NCKAP5: variants seen among roughly 807,000 people sequenced by gnomAD.
NCKAP5 encodes the protein nck-associated protein 5.
NCKAP5 carries 92 observed loss-of-function variants against 167.0 expected under a neutral mutation model. The ratio of observed to expected loss-of-function variants is 0.55; its 90% CI spans 0.47 to 0.66. The LOEUF (loss-of-function observed/expected upper bound fraction) is 0.66. Ranked by LOEUF, NCKAP5 falls within the 30% of genes least tolerant of loss-of-function variation. The probability of loss-of-function intolerance (pLI) is 0.00; values close to 1 mark genes in which losing one functional copy is unlikely to be tolerated. For synonymous variants in NCKAP5, 891 were observed against 877.4 expected (o/e 1.02, Z -0.27); for missense variants, 2,378 against 2,315.0 (o/e 1.03, Z -0.56).
In NCKAP5 at chr2:132,723,215, G is replaced by A. The variant is rs1180459984; in HGVS notation, c.5713+2412C>T. Among the ~76,000 whole-genome samples the A allele has an allele frequency of 4.2e-5, 6 of 143,546 alleles. 1 individual carries two copies. Among genetic ancestry groups the A allele is most frequent in the African/African-American group, 1.1e-4 (4 of 37,872 alleles). The allele number at this position is 143,546 out of a possible 152,430, so 94.2% of individuals were successfully genotyped here. On this transcript the variant is annotated intron_variant, in intron 19 of 19. Transcript: ENST00000409261. ...GGCTGGAGTGCAGTGGCATGATCTC[G>A]GCTCACTGCAACCTCCACCTCCCAG... is the stretch of plus-strand genomic sequence containing the variant.
chr2:133,231,118 C>T (rs2087127330), intron 4 of NCKAP5, among the ~76,000 whole-genome samples: 1 of 152,128 alleles, frequency 6.6e-6, no homozygotes, highest in African/African-American at 2.4e-5. Context: ...ACAATACCCT[C>T]ATTTTAGTGA....
chr2:133,326,597 C>G (rs377668507), intron 3 of NCKAP5, among the ~76,000 whole-genome samples: 8 of 151,996 alleles, frequency 5.3e-5, no homozygotes, highest in Middle Eastern at 3.2e-3. Flanking sequence ...TTTTCCAGCT[C>G]TTTATTTGAA....
In NCKAP5 at chr2:132,917,417, G is replaced by C. The variant is rs973652039; in HGVS notation, c.580-38501C>G. 1.6e-4 allele frequency among the ~76,000 whole-genome samples: 24 copies of C among 152,240 alleles called. No homozygotes were observed. The East Asian group carries it at 4.4e-3, about 28-fold the overall frequency. Reference sequence around the variant, plus strand: ...GAGGGCATTAAAATGATAGTTCATAGCCCTTATTTAACCGCCAGGATTGGT... The same window carrying C: ...GAGGGCATTAAAATGATAGTTCATACCCCTTATTTAACCGCCAGGATTGGT... On this transcript the variant is annotated intron_variant, in intron 8 of 19. Coordinates refer to ENST00000409261, the MANE Select transcript of NCKAP5 (RefSeq NM_207363.3).
the NCKAP5 span, among the ~76,000 whole-genome samples, chr2:133,643,668 T>C: frequency 6.6e-6 from 1 of 152,166 alleles, no homozygotes; most frequent in Non-Finnish European, 1.5e-5. Context: ...AACTCCACTA[T>C]CACATTCAAA....
chr2:133,098,193 G>A (rs1235277569), intron 6 of NCKAP5, among the ~76,000 whole-genome samples: 2 of 152,164 alleles, frequency 1.3e-5, no homozygotes, highest in Admixed American at 6.5e-5. Context: ...AATTTCCAAC[G>A]TAATGTGTTT....
chr2:133,200,061 C>CTTTTTT (rs70973417), intron 5 of NCKAP5, among the ~76,000 whole-genome samples: 41,848 of 107,816 alleles, frequency 0.39, 6,969 homozygotes, highest in Non-Finnish European at 0.44. Context: ...TTTTTTCTTT[C>CTTTTTT]TTTTTTTTTT....
At chr2:133,450,573 T>C (rs1346039087) in intron 3 of NCKAP5, among the ~76,000 whole-genome samples, 1 of 152,252 alleles carries the variant, frequency 6.6e-6, no homozygotes, top group African/African-American at 2.4e-5. Context: ...AATTTACATT[T>C]ATTTCTTTTA....
intron 3 of NCKAP5, among the ~76,000 whole-genome samples, chr2:133,303,782 A>G (rs1216028748): frequency 6.6e-6 from 1 of 152,190 alleles, no homozygotes; most frequent in African/African-American, 2.4e-5. Flanking sequence ...AAAAAAAATT[A>G]AAGAATTCAC....
chr2:132,910,835 ACCAAAC>A (rs1283250676), intron 8 of NCKAP5, among the ~76,000 whole-genome samples: 2 of 152,216 alleles, frequency 1.3e-5, no homozygotes, highest in Non-Finnish European at 2.9e-5. Flanking sequence ...ATGAGACTGT[ACCAAAC>A]AATGGCCAAA....
At chr2:132,714,426 T>A (rs1041643471) in intron 19 of NCKAP5, among the ~76,000 whole-genome samples, 1 of 152,178 alleles carries the variant, frequency 6.6e-6, no homozygotes, top group Non-Finnish European at 1.5e-5. Flanking sequence ...ACATCTAATG[T>A]CATATCTGAA....
chr2:133,645,487 CA>C, the NCKAP5 span, among the ~76,000 whole-genome samples: 2 of 151,958 alleles, frequency 1.3e-5, no homozygotes. Context: ...CATATACAAA[CA>C]AAAAGGATGC....
At position 133,161,424 on chromosome 2, in the gene NCKAP5, C is replaced by T. The variant is rs146425794; in HGVS notation, c.208-31313G>A. 2.7e-3 allele frequency among the ~76,000 whole-genome samples: 406 copies of T among 152,314 alleles called. 2 individuals carry two copies. Among genetic ancestry groups the T allele is most frequent in the African/African-American group, 4.4e-3 (184 of 41,566 alleles). On this transcript the variant is annotated intron_variant, in intron 5 of 19. Coordinates refer to ENST00000409261, the MANE Select transcript of NCKAP5 (RefSeq NM_207363.3). Reference sequence around the variant, plus strand: ...TCAGATGTTACACACCTAAAAACAACGCATTCAAGGCTAAATTTAGACTTT... The same window carrying T: ...TCAGATGTTACACACCTAAAAACAATGCATTCAAGGCTAAATTTAGACTTT...
chr2:133,473,971 C>T (rs1305233326), intron 3 of NCKAP5, among the ~76,000 whole-genome samples: 2 of 152,074 alleles, frequency 1.3e-5, no homozygotes, highest in East Asian at 3.9e-4. Flanking sequence ...GGGTACATAT[C>T]CAAAGGAAAT....
At chr2:133,061,322 T>C (rs2079992867) in intron 6 of NCKAP5, among the ~76,000 whole-genome samples, 1 of 152,210 alleles carries the variant, frequency 6.6e-6, no homozygotes, top group Admixed American at 6.5e-5. Context: ...AAATATGCCA[T>C]TGACAGGGCC....
Position 133,373,509 on chromosome 2 carries a change from A to G in NCKAP5, c.70-70399T>C, listed in dbSNP as rs1285962535. ...CTTTCAAACCTGATTCACAGATTCA[A>G]TGCAATCCCAATCACAATCCCAGCA... is the stretch of plus-strand genomic sequence containing the variant. On this transcript the variant is annotated intron_variant, in intron 3 of 19. Coordinates refer to ENST00000409261, the MANE Select transcript of NCKAP5 (RefSeq NM_207363.3). Among the ~76,000 whole-genome samples, 3 of 152,258 alleles carry G rather than the reference A, an allele frequency of 2.0e-5. No homozygotes were observed. The East Asian group carries it at 5.8e-4, about 29-fold the overall frequency.
intron 15 of NCKAP5, among the ~76,000 whole-genome samples, chr2:132,775,095 A>C (rs1682435949): frequency 6.6e-6 from 1 of 152,236 alleles, no homozygotes; most frequent in Admixed American, 6.5e-5. Context: ...AGCCAATGAT[A>C]ATAACGTGCA....
intron 16 of NCKAP5, among the ~76,000 whole-genome samples, chr2:132,755,854 A>AAATAATAAT (rs56967710): frequency 0.097 from 13,983 of 143,686 alleles, 866 homozygotes; most frequent in South Asian, 0.19. Flanking sequence ...CTAAATGGCA[A>AAATAATAAT]AATAATAATA....
At chr2:133,546,956 A>G (rs972231976) in intron 2 of NCKAP5, among the ~76,000 whole-genome samples, 2 of 152,106 alleles carry the variant, frequency 1.3e-5, no homozygotes, top group Non-Finnish European at 2.9e-5. Context: ...CTGCATTTCC[A>G]TCTGAGGTAC....
intron 10 of NCKAP5, among the ~76,000 whole-genome samples, chr2:132,863,429 A>G (rs1472787289): frequency 6.8e-6 from 1 of 147,552 alleles, no homozygotes; most frequent in Non-Finnish European, 1.5e-5. Flanking sequence ...GAATACCTTG[A>G]AAGAGTTCTT....
Sources: allele counts gnomAD v4.1 joint callset (sites outside exome capture counted in the v4.1 genomes callset), GRCh38; gene constraint gnomAD v4.1.1; transcripts MANE v1.5; gene names NCBI Gene and HGNC (gene_info 2026-07-23, HGNC 2026-07-21).